FSTL4: variants seen among roughly 807,000 people sequenced by gnomAD.
The protein encoded by FSTL4 is follistatin-related protein 4.
Under a neutral mutation model 78.2 loss-of-function variants are expected in FSTL4, and 28 were observed. The ratio of observed to expected loss-of-function variants is 0.36; its 90% CI spans 0.27 to 0.49. The LOEUF (loss-of-function observed/expected upper bound fraction) is 0.49. Ranked by LOEUF, FSTL4 falls within the 20% of genes least tolerant of loss-of-function variation. The probability of loss-of-function intolerance (pLI) is 0.98; values close to 1 mark genes in which losing one functional copy is unlikely to be tolerated. For missense variants in FSTL4, 922 were observed against 1,084.9 expected (o/e 0.85, Z 2.11); for synonymous variants, 422 against 440.5 (o/e 0.96, Z 0.53).
intron 4 of FSTL4, among the ~76,000 whole-genome samples, chr5:133,376,911 T>C (rs924143476): frequency 7.0e-6 from 1 of 142,290 alleles, no homozygotes; most frequent in Non-Finnish European, 1.5e-5. Context: ...AAAAAGAAAA[T>C]CTACTAAATT....
chr5:133,524,159 G>A (rs1251607340), intron 3 of FSTL4, among the ~76,000 whole-genome samples: 2 of 152,318 alleles, frequency 1.3e-5, no homozygotes, highest in Middle Eastern at 3.4e-3. Context: ...GCAGAAGGAG[G>A]ACAGGTCAGC....
chr5:133,643,677 A>G, the FSTL4 span, among the ~76,000 whole-genome samples: 2 of 152,030 alleles, frequency 1.3e-5, no homozygotes, highest in African/African-American at 4.8e-5. Flanking sequence ...CAGACAATAA[A>G]CACAAGAACT....
At chr5:133,616,139 CA>C (rs1761194155), upstream of FSTL4, among the ~76,000 whole-genome samples, 1 of 152,068 alleles carries the variant, frequency 6.6e-6, no homozygotes, top group Non-Finnish European at 1.5e-5. Flanking sequence ...CCTACAGCCA[CA>C]AACTATCATA....
chr5:133,645,872 A>G, the FSTL4 span, among the ~76,000 whole-genome samples: 1 of 152,176 alleles, frequency 6.6e-6, no homozygotes, highest in Admixed American at 6.5e-5. Flanking sequence ...TGGAGGGAGC[A>G]TGGCCCTCCG....
chr5:133,260,239 A>G (rs1752486860), intron 6 of FSTL4, among the ~76,000 whole-genome samples: 1 of 152,154 alleles, frequency 6.6e-6, no homozygotes, highest in East Asian at 1.9e-4. Context: ...CCCACAGCAC[A>G]GGCTGTGCCC....
chr5:133,456,722 A>AC (rs57230605), intron 3 of FSTL4, among the ~76,000 whole-genome samples: 13 of 151,776 alleles, frequency 8.6e-5, no homozygotes, highest in African/African-American at 2.9e-4. Context: ...ACAAAACAAA[A>AC]AACCCTGAAG....
chr5:133,296,626 T>C (rs1424673532), intron 6 of FSTL4, among the ~76,000 whole-genome samples: 1 of 152,176 alleles, frequency 6.6e-6, no homozygotes, highest in Non-Finnish European at 1.5e-5. Flanking sequence ...CTGGCTCACA[T>C]AGCCCCTCTG....
intron 3 of FSTL4, among the ~76,000 whole-genome samples, chr5:133,458,876 C>T (rs756707052): frequency 6.6e-6 from 1 of 152,200 alleles, no homozygotes; most frequent in Non-Finnish European, 1.5e-5. Flanking sequence ...CCCATCACAT[C>T]CTCCAGGAGC....
chr5:133,302,900 G>A (rs772646606), intron 6 of FSTL4, among the ~76,000 whole-genome samples: 14 of 152,152 alleles, frequency 9.2e-5, no homozygotes, highest in Admixed American at 2.0e-4. Context: ...TTTAATCCTG[G>A]TGACAAATGT....
intron 14 of FSTL4, among the ~76,000 whole-genome samples, chr5:133,205,689 G>A (rs1023596953): frequency 1.3e-5 from 2 of 151,762 alleles, no homozygotes; most frequent in African/African-American, 4.8e-5. Flanking sequence ...TTTTCTTTAG[G>A]AGCTCAGTGA....
chr5:133,728,699 A>AC, the FSTL4 span, among the ~76,000 whole-genome samples: 64,188 of 151,968 alleles, frequency 0.42, 17,599 homozygotes, highest in African/African-American at 0.79. Flanking sequence ...GTATGAAGTG[A>AC]TTGGAGACAG....
At chr5:133,518,913 A>AC (rs1223949581) in intron 3 of FSTL4, among the ~76,000 whole-genome samples, 1 of 152,004 alleles carries the variant, frequency 6.6e-6, no homozygotes, top group Non-Finnish European at 1.5e-5. Flanking sequence ...TTATTCCCTG[A>AC]CCCCCCATGG....
At chr5:133,414,739 G>A (rs998276957) in intron 3 of FSTL4, among the ~76,000 whole-genome samples, 16 of 152,178 alleles carry the variant, frequency 1.1e-4, no homozygotes, top group African/African-American at 3.9e-4. Context: ...GGTAAATACC[G>A]GGGTATTATT....
At chr5:133,204,504 A>G (rs189222799) in intron 14 of FSTL4, among the ~76,000 whole-genome samples, 1 of 152,274 alleles carries the variant, frequency 6.6e-6, no homozygotes, top group African/African-American at 2.4e-5. Context: ...GCCTTTGGAA[A>G]AATTCTGAGA....
At chr5:133,217,976 T>C (rs925351348) in intron 12 of FSTL4, among the ~76,000 whole-genome samples, 1 of 152,208 alleles carries the variant, frequency 6.6e-6, no homozygotes, top group Admixed American at 6.5e-5. Context: ...GTTAATCTCA[T>C]TGAAACCTAT....
intron 4 of FSTL4, among the ~76,000 whole-genome samples, chr5:133,392,575 G>T (rs1755876384): frequency 1.3e-5 from 2 of 152,210 alleles, no homozygotes; most frequent in East Asian, 3.8e-4. Context: ...CTAGAGGGCA[G>T]AATTCAGGGA....
intron 6 of FSTL4, among the ~76,000 whole-genome samples, chr5:133,289,890 A>G (rs1256021386): frequency 1.3e-5 from 2 of 152,274 alleles, no homozygotes; most frequent in Non-Finnish European, 2.9e-5. Context: ...GACGAGAAAC[A>G]GAAATGAAGC....
At chr5:133,613,905 A>G (rs1043079242), upstream of FSTL4, among the ~76,000 whole-genome samples, 1 of 152,222 alleles carries the variant, frequency 6.6e-6, no homozygotes, top group African/African-American at 2.4e-5. Flanking sequence ...AGATTTGACT[A>G]TGAATCTTTG....
intron 4 of FSTL4, among the ~76,000 whole-genome samples, chr5:133,391,620 C>T (rs1254300893): frequency 6.6e-6 from 1 of 152,220 alleles, no homozygotes. Flanking sequence ...CCGACTTGCT[C>T]AGTTTCTCTC....
Sources: allele counts gnomAD v4.1 joint callset (sites outside exome capture counted in the v4.1 genomes callset), GRCh38; gene constraint gnomAD v4.1.1; transcripts MANE v1.5; gene names NCBI Gene and HGNC (gene_info 2026-07-23, HGNC 2026-07-21).